Variants in PHF21A observed in about 807,000 individuals in gnomAD.
The protein encoded by PHF21A is BHC80a.
PHF21A carries 11 observed loss-of-function variants against 82.5 expected under a neutral mutation model. The ratio of observed to expected loss-of-function variants is 0.13; its 90% CI spans 0.08 to 0.22. PHF21A has a LOEUF of 0.22. Among genes scored for constraint, PHF21A ranks in the 10% least tolerant of loss-of-function variants. The pLI is 1.00. For synonymous variants in PHF21A, 297 were observed against 302.8 expected (o/e 0.98, Z 0.20); for missense variants, 579 against 837.8 (o/e 0.69, Z 3.81).
intron 6 of PHF21A, among the ~76,000 whole-genome samples, chr11:46,062,656 T>C (rs1317306149): frequency 6.6e-6 from 1 of 152,192 alleles, no homozygotes; most frequent in Non-Finnish European, 1.5e-5. Flanking sequence ...TTCTTGGCTA[T>C]GTTCATATTT....
intron 6 of PHF21A, among the ~76,000 whole-genome samples, chr11:45,982,451 T>A (rs1423456147): frequency 6.6e-6 from 1 of 152,130 alleles, no homozygotes; most frequent in Admixed American, 6.5e-5. Flanking sequence ...ATAATAAAAA[T>A]GCAAATTAAT....
intron 6 of PHF21A, among the ~76,000 whole-genome samples, chr11:46,043,274 T>G (rs2096189430): frequency 6.6e-6 from 1 of 152,114 alleles, no homozygotes; most frequent in Admixed American, 6.5e-5. Context: ...CTTTCGAAAG[T>G]TATCATGTCC....
chr11:45,936,497 C>T lies in PHF21A; in HGVS notation c.1681G>A (p.Ala561Thr). Residue 561 changes from alanine to threonine, a missense_variant, in exon 17 of 19, where the codon GCA becomes ACA. Ala to Thr is a moderately conservative substitution (Grantham distance 58). Transcript: ENST00000676320. The part of the protein sequence containing the change: ...AIVHSYIAYK[A>T]AKEEEKQKLL... Reference sequence around the variant, plus strand: ...GTGGGTATGGATAACTCCTTACCTGCTTTGTAGGCAATATAGGAATGAACA... The same window carrying T: ...GTGGGTATGGATAACTCCTTACCTGTTTTGTAGGCAATATAGGAATGAACA... 1 of 1,605,632 alleles carries T rather than the reference C, an allele frequency of 6.2e-7. No individual in the cohort carries two copies. The highest frequency in any genetic ancestry group is 8.5e-7 in the Non-Finnish European group (1 of 1,172,678).
chr11:46,066,643 G>A (rs893356009), intron 6 of PHF21A, among the ~76,000 whole-genome samples: 4 of 152,132 alleles, frequency 2.6e-5, no homozygotes, highest in Non-Finnish European at 4.4e-5. Flanking sequence ...AGACTCCAGC[G>A]AGCTATGATT....
At chr11:45,939,201 C>T (rs1436314928) in intron 15 of PHF21A, among the ~76,000 whole-genome samples, 1 of 152,100 alleles carries the variant, frequency 6.6e-6, no homozygotes, top group Non-Finnish European at 1.5e-5. Context: ...ACATTATAGG[C>T]GATACCTAAG....
intron 7 of PHF21A, among the ~76,000 whole-genome samples, chr11:45,974,292 A>G (rs1302008983): frequency 6.6e-6 from 1 of 152,266 alleles, no homozygotes; most frequent in East Asian, 1.9e-4. Context: ...TAGGGAACAC[A>G]AACCAAACTC....
chr11:46,031,931 CCACA>C (rs2095873953), intron 6 of PHF21A, among the ~76,000 whole-genome samples: 4 of 152,160 alleles, frequency 2.6e-5, no homozygotes, highest in Admixed American at 2.6e-4. Context: ...TTGGATTGGG[CCACA>C]CAGTTACCCA....
intron 1 of PHF21A, among the ~76,000 whole-genome samples, chr11:46,096,000 C>A (rs1835299460): frequency 1.3e-5 from 2 of 152,166 alleles, no homozygotes; most frequent in Non-Finnish European, 2.9e-5. Context: ...GTTTTATACA[C>A]CACTGGCTTT....
chr11:46,012,195 T>C (rs918726928), intron 6 of PHF21A, among the ~76,000 whole-genome samples: 5 of 152,238 alleles, frequency 3.3e-5, no homozygotes, highest in Non-Finnish European at 7.3e-5. Flanking sequence ...TGTGATCATC[T>C]ATCCATTTCC....
chr11:45,965,251 C>T (rs2093362398), intron 10 of PHF21A, 64 bp downstream of exon 10: 1 of 1,389,254 alleles, frequency 7.2e-7, no homozygotes, highest in Non-Finnish European at 1.0e-6. Context: ...TTAGAGAAAG[C>T]CCAGCAGCCA....
At chr11:45,940,528 C>T (rs2090150830) in intron 15 of PHF21A, among the ~76,000 whole-genome samples, 1 of 152,140 alleles carries the variant, frequency 6.6e-6, no homozygotes, top group Non-Finnish European at 1.5e-5. Flanking sequence ...AATGTGACCA[C>T]TGGACAGTAA....
chr11:45,976,074 G>A (rs2094007679), intron 7 of PHF21A, among the ~76,000 whole-genome samples: 1 of 152,082 alleles, frequency 6.6e-6, no homozygotes, highest in Non-Finnish European at 1.5e-5. Context: ...GCTTTGGAGG[G>A]CTTGGCCTTA....
At chr11:45,977,624 T>C (rs2094099587) in intron 7 of PHF21A, among the ~76,000 whole-genome samples, 1 of 152,204 alleles carries the variant, frequency 6.6e-6, no homozygotes, top group Non-Finnish European at 1.5e-5. Flanking sequence ...AAACAAAAAT[T>C]ATCCTCTAAA....
intron 6 of PHF21A, among the ~76,000 whole-genome samples, chr11:46,076,165 A>G (rs541073001): frequency 6.6e-6 from 1 of 152,330 alleles, no homozygotes; most frequent in African/African-American, 2.4e-5. Context: ...AAAAAATTCC[A>G]AAGAATATTT....
chr11:46,066,263 T>G (rs1292627607), intron 6 of PHF21A, among the ~76,000 whole-genome samples: 1 of 152,192 alleles, frequency 6.6e-6, no homozygotes, highest in East Asian at 1.9e-4. Flanking sequence ...ATATTCTGAT[T>G]ACTGATATAG....
At chr11:46,066,665 C>T (rs1171796172) in intron 6 of PHF21A, among the ~76,000 whole-genome samples, 3 of 152,270 alleles carry the variant, frequency 2.0e-5, no homozygotes, top group East Asian at 3.8e-4. Flanking sequence ...TACCACCGCA[C>T]ACCAGCTTGG....
At chr11:46,083,523 T>C (rs1203356966) in intron 4 of PHF21A, 1 of 152,228 alleles carries the variant, frequency 6.6e-6, no homozygotes, top group East Asian at 1.9e-4. Context: ...TCAAAAGTAG[T>C]CAATGCATCA....
intron 6 of PHF21A, among the ~76,000 whole-genome samples, chr11:46,037,640 CAAAAA>C (rs1000939610): frequency 1.7e-5 from 1 of 59,062 alleles, no homozygotes; most frequent in African/African-American, 5.3e-5. Context: ...AACGTCATCT[CAAAAA>C]AAAAAAAAAA....
intron 1 of PHF21A, among the ~76,000 whole-genome samples, chr11:46,103,601 C>A (rs1380066013): frequency 6.6e-6 from 1 of 152,144 alleles, no homozygotes; most frequent in African/African-American, 2.4e-5. Context: ...ACCTACTAGA[C>A]CTTTATCAAA....
Sources: allele counts gnomAD v4.1 joint callset (sites outside exome capture counted in the v4.1 genomes callset), GRCh38; gene constraint gnomAD v4.1.1; transcripts MANE v1.5; gene names NCBI Gene and HGNC (gene_info 2026-07-23, HGNC 2026-07-21).